Variants in UHRF2 observed in about 807,000 individuals in gnomAD.
UHRF2 encodes E3 ubiquitin-protein ligase UHRF2.
A neutral mutation model predicts 96.8 loss-of-function variants in UHRF2; 23 were observed. The observed-to-expected ratio is 0.24, with a 90% CI of 0.17 to 0.34. The LOEUF (loss-of-function observed/expected upper bound fraction) is 0.34. UHRF2 is among the 10% of genes least tolerant of loss of function. UHRF2 has a pLI of 1.00. For missense variants in UHRF2, 685 were observed against 981.5 expected (o/e 0.70, Z 4.04); for synonymous variants, 385 against 332.6 (o/e 1.16, Z -1.72).
chr9:6,476,896 G>A (rs1412500033), intron 5 of UHRF2, among the ~76,000 whole-genome samples: 1 of 151,990 alleles, frequency 6.6e-6, no homozygotes, highest in Non-Finnish European at 1.5e-5. Context: ...CCCGGCCTCA[G>A]GCATTTATTC....
chr9:6,476,028 C>T (rs1823549393), intron 5 of UHRF2, among the ~76,000 whole-genome samples: 1 of 152,204 alleles, frequency 6.6e-6, no homozygotes, highest in East Asian at 1.9e-4. Context: ...TTCTTTATCC[C>T]CTGTCCCACT....
At chr9:6,464,325 G>A (rs866245122) in intron 4 of UHRF2, among the ~76,000 whole-genome samples, 1 of 152,032 alleles carries the variant, frequency 6.6e-6, no homozygotes, top group Non-Finnish European at 1.5e-5. Flanking sequence ...TTCTAATTAC[G>A]GAGACTAGAC....
chr9:6,416,682 G>T (rs1053492781), intron 1 of UHRF2, among the ~76,000 whole-genome samples: 16 of 151,950 alleles, frequency 1.1e-4, no homozygotes, highest in African/African-American at 3.9e-4. Context: ...TGGGACTACA[G>T]GCGCCCGCCA....
intron 10 of UHRF2, 89 bp from the exon 11 acceptor site, chr9:6,497,109 G>A: frequency 8.7e-7 from 1 of 1,155,406 alleles, no homozygotes; most frequent in Non-Finnish European, 1.2e-6. Context: ...ATCAGGTAAG[G>A]TATAATTCAC....
intron 15 of UHRF2, 34 bp downstream of exon 15, chr9:6,504,725 G>C (rs1816493617): frequency 2.6e-6 from 4 of 1,541,794 alleles, no homozygotes; most frequent in South Asian, 2.3e-5. Context: ...TTCCCTGTTA[G>C]GTATGAAGGC....
At chr9:6,441,279 TG>T (rs1296644365) in intron 3 of UHRF2, among the ~76,000 whole-genome samples, 4 of 151,492 alleles carry the variant, frequency 2.6e-5, no homozygotes, top group Non-Finnish European at 5.9e-5. Context: ...GAGGCTGAAG[TG>T]GGAGGATGGC....
chr9:6,413,786 CGGGGTGCGG>C (rs1181677822), intron 1 of UHRF2, 143 bp downstream of exon 1: 2 of 1,084,094 alleles, frequency 1.8e-6, no homozygotes, highest in Admixed American at 8.6e-5. Context: ...CCGCGAGGCG[CGGGGTGCGG>C]GGCCCAGTCC....
At chr9:6,504,532 A>G (rs140046599) in intron 14 of UHRF2, 61 bp from the exon 15 acceptor site, 1 of 1,143,248 alleles carries the variant, frequency 8.7e-7, no homozygotes, top group African/African-American at 1.5e-5. Context: ...CAGTAGATGA[A>G]TTTTATTAGC....
At position 6,413,690 on chromosome 9, in the gene UHRF2, G is replaced by T. The variant is rs759285458; in HGVS notation, c.153+47G>T. On this transcript the variant is annotated intron_variant, in intron 1 of 15. Coordinates refer to ENST00000276893, the MANE Select transcript of UHRF2 (RefSeq NM_152896.3). ...CCTAGCGAGGCTGGGGGCCGGAACA[G>T]CTGGGCTCCTCTGGACGCACCGGTC... is the stretch of plus-strand genomic sequence containing the variant. 15 of 1,495,796 alleles carry T rather than the reference G, an allele frequency of 1.0e-5. No homozygotes were observed. In the African/African-American group the frequency reaches 1.0e-4, roughly 10 times the overall value. 92.7% of individuals were successfully genotyped at this position (1,495,796 alleles called of 1,614,324 possible).
chr9:6,415,714 C>T (rs983088306), intron 1 of UHRF2, among the ~76,000 whole-genome samples: 1 of 152,092 alleles, frequency 6.6e-6, no homozygotes, highest in Non-Finnish European at 1.5e-5. Context: ...ATGTTAGGCT[C>T]CAGCTTTTAA....
intron 9 of UHRF2, among the ~76,000 whole-genome samples, chr9:6,491,177 T>C (rs1337387299): frequency 2.0e-5 from 3 of 152,240 alleles, no homozygotes; most frequent in Admixed American, 2.0e-4. Flanking sequence ...CTCAGTTGTC[T>C]TGAGAAGTAG....
Position 6,477,453 on chromosome 9 carries a change from G to C in UHRF2, c.974-169G>C, listed in dbSNP as rs556844372. On this transcript the variant is annotated intron_variant, in intron 5 of 15. Coordinates refer to ENST00000276893, the MANE Select transcript of UHRF2 (RefSeq NM_152896.3). ...AGGCGGGAGAATCGCTTGAACCCGG[G>C]AGGCAGAGGCTGCAGTGAGCCAAGA... 3.9e-5 allele frequency among the ~76,000 whole-genome samples: 6 copies of C among 152,052 alleles called. No individual in the cohort carries two copies. In the South Asian group the frequency reaches 1.2e-3, roughly 32 times the overall value.
At chr9:6,465,061 T>C (rs1211904708) in intron 4 of UHRF2, among the ~76,000 whole-genome samples, 2 of 152,172 alleles carry the variant, frequency 1.3e-5, no homozygotes, top group Non-Finnish European at 2.9e-5. Flanking sequence ...ACTTTTGATT[T>C]CTTCTTCTTG....
chr9:6,413,840 C>G (rs1819431588), intron 1 of UHRF2, 197 bp downstream of exon 1: 1 of 574,932 alleles, frequency 1.7e-6, no homozygotes, highest in Non-Finnish European at 2.6e-6. Context: ...CTGCCAGCCC[C>G]AACTGGAGGT....
At chr9:6,460,492 C>T in intron 3 of UHRF2, 81 bp from the exon 4 acceptor site, 1 of 1,208,142 alleles carries the variant, frequency 8.3e-7, no homozygotes, top group Non-Finnish European at 1.2e-6. Context: ...ATTAACTCAG[C>T]AAATTAGGTT....
Position 6,447,050 on chromosome 9 carries a change from G to T in UHRF2, c.644+12877G>T, listed in dbSNP as rs555983480. ...ACCACAGGTGCCTGCTACCACACCC[G>T]GCTAATTTTTTTGTATTTTTAGTAG... is the stretch of plus-strand genomic sequence containing the variant. On this transcript the variant is annotated intron_variant, in intron 3 of 15. Transcript: ENST00000276893. 9.2e-5 allele frequency among the ~76,000 whole-genome samples: 14 copies of T among 151,796 alleles called. No homozygotes were observed. In the South Asian group the frequency reaches 2.9e-3, roughly 32 times the overall value.
At chr9:6,461,643 A>G (rs1050572277) in intron 4 of UHRF2, among the ~76,000 whole-genome samples, 1 of 151,926 alleles carries the variant, frequency 6.6e-6, no homozygotes, top group Non-Finnish European at 1.5e-5. Flanking sequence ...AAGTGTTGGG[A>G]TTACAGGTAT....
intron 3 of UHRF2, among the ~76,000 whole-genome samples, chr9:6,444,035 T>C (rs1036688508): frequency 6.6e-6 from 1 of 152,258 alleles, no homozygotes; most frequent in Non-Finnish European, 1.5e-5. Context: ...AAACTGATTT[T>C]CTTGAGTATA....
intron 9 of UHRF2, among the ~76,000 whole-genome samples, chr9:6,489,945 A>G (rs185489384): frequency 6.6e-6 from 1 of 152,304 alleles, no homozygotes; most frequent in African/African-American, 2.4e-5. Flanking sequence ...GGAAATGGAA[A>G]TATTTAGGTT....
Sources: gnomAD v4.1 joint callset for allele counts (sites outside exome capture counted in the v4.1 genomes callset) on GRCh38, gnomAD v4.1.1 for gene constraint, MANE v1.5 for transcripts, NCBI Gene and HGNC (gene_info 2026-07-23, HGNC 2026-07-21) for gene names.